The following MAPKAPK2 variants were observed in gnomAD, a reference collection of about 807,000 sequenced individuals.
MAPKAPK2 encodes MAP kinase-activated protein kinase 2.
In MAPKAPK2, 9 loss-of-function variants were observed where a neutral mutation model predicts 48.8. The ratio of observed to expected loss-of-function variants is 0.18; its 90% CI spans 0.11 to 0.32. The LOEUF is 0.32. MAPKAPK2 is among the 10% of genes least tolerant of loss of function. The probability of loss-of-function intolerance (pLI) is 1.00; values close to 1 mark genes in which losing one functional copy is unlikely to be tolerated. For synonymous variants in MAPKAPK2, 202 were observed against 190.6 expected, an observed-to-expected ratio of 1.06 and a Z score of -0.49; for missense variants, 331 against 498.3, an observed-to-expected ratio of 0.66 and a Z score of 3.20.
intron 1 of MAPKAPK2, among the ~76,000 whole-genome samples, chr1:206,717,310 T>C (rs932544205): frequency 2.0e-5 from 3 of 152,238 alleles, no homozygotes; most frequent in Non-Finnish European, 2.9e-5. Context: ...AGCTTAAATA[T>C]AGCAATATTT....
At chr1:206,724,168 T>C (rs1474429797) in intron 1 of MAPKAPK2, among the ~76,000 whole-genome samples, 2 of 152,248 alleles carry the variant, frequency 1.3e-5, no homozygotes, top group Non-Finnish European at 2.9e-5. Context: ...TCACTGCCCA[T>C]GGCCATGCCC....
At chr1:206,722,485 C>T (rs1351727515) in intron 1 of MAPKAPK2, among the ~76,000 whole-genome samples, 1 of 152,192 alleles carries the variant, frequency 6.6e-6, no homozygotes, top group Admixed American at 6.5e-5. Context: ...TTGATTAACA[C>T]ATATTTTGTC....
intron 3 of MAPKAPK2, 113 bp from the exon 4 acceptor site, chr1:206,729,283 G>A (rs146359022): frequency 1.7e-4 from 182 of 1,088,982 alleles, no homozygotes; most frequent in African/African-American, 1.1e-3. Context: ...GTGGGTGGTG[G>A]CTGTGGGGAG....
At chr1:206,724,055 C>T (rs1195666756) in intron 1 of MAPKAPK2, among the ~76,000 whole-genome samples, 2 of 152,264 alleles carry the variant, frequency 1.3e-5, no homozygotes, top group Non-Finnish European at 2.9e-5. Flanking sequence ...TTTCACAATT[C>T]CTCCAGGCAT....
At chr1:206,718,726 C>T (rs537295300) in intron 1 of MAPKAPK2, among the ~76,000 whole-genome samples, 36 of 152,242 alleles carry the variant, frequency 2.4e-4, no homozygotes, top group Non-Finnish European at 5.1e-4. Context: ...TATCTGACCA[C>T]CCTCTTATTG....
At chr1:206,712,964 A>T (rs985967122) in intron 1 of MAPKAPK2, among the ~76,000 whole-genome samples, 1 of 134,280 alleles carries the variant, frequency 7.4e-6, no homozygotes, top group African/African-American at 2.7e-5. Context: ...AGACTCCATC[A>T]CACACACACA....
chr1:206,718,912 G>T (rs1673427603), intron 1 of MAPKAPK2, among the ~76,000 whole-genome samples: 1 of 152,180 alleles, frequency 6.6e-6, no homozygotes, highest in Non-Finnish European at 1.5e-5. Flanking sequence ...CCAACTGAAT[G>T]TGTAAGAGAG....
chr1:206,724,985 T>C (rs926199113), intron 1 of MAPKAPK2, among the ~76,000 whole-genome samples: 5 of 122,400 alleles, frequency 4.1e-5, no homozygotes, highest in African/African-American at 1.3e-4. Flanking sequence ...ATTTTACAGA[T>C]GAGGAAACCC....
chr1:206,731,495 G>A lies in MAPKAPK2; in HGVS notation c.893-145G>A, dbSNP rs1005852684. The A allele has an allele frequency of 7.5e-6, 8 of 1,067,426 alleles. No homozygotes were observed. Among genetic ancestry groups the A allele is most frequent in the South Asian group, 2.8e-5 (2 of 70,340 alleles). The allele number at this position is 1,067,426 out of a possible 1,614,324, so 66.1% of individuals were successfully genotyped here. On this transcript the variant is annotated intron_variant, in intron 7 of 9. Coordinates refer to ENST00000367103, the MANE Select transcript of MAPKAPK2 (RefSeq NM_032960.4). The surrounding 1 kb of genome is among the most constrained non-coding windows in gnomAD (Gnocchi z 5.9). ...GCAGGGCCTCTCAAGTGGTACAGCC[G>A]TAATGGTCCTTGGGGCCAGTTGCTC...
chr1:206,726,482 G>A (rs1553431856), intron 1 of MAPKAPK2, among the ~76,000 whole-genome samples: 1 of 152,240 alleles, frequency 6.6e-6, no homozygotes, highest in African/African-American at 2.4e-5. Context: ...GACCTCCTGG[G>A]AACCTTGCCT....
chr1:206,716,328 T>TTC (rs1673333537), intron 1 of MAPKAPK2, among the ~76,000 whole-genome samples: 1 of 152,216 alleles, frequency 6.6e-6, no homozygotes, highest in Non-Finnish European at 1.5e-5. Context: ...TCTGGGCCAT[T>TTC]TCTCTCACTG....
chr1:206,732,793 A>G lies in MAPKAPK2; in HGVS notation c.*75A>G. ...GAATATATTTTTTAAACGAAGAGAC[A>G]GAACTGTCCACATCTGCCTCCTCTC... On this transcript the variant is annotated 3_prime_UTR_variant, in exon 10 of 10. Coordinates refer to ENST00000367103, the MANE Select transcript of MAPKAPK2 (RefSeq NM_032960.4). This position sits in a 1 kb window ranked among gnomAD's most constrained non-coding sequence, Gnocchi z 4.4. 1.3e-6 allele frequency: 2 copies of G among 1,533,284 alleles called. No homozygotes were observed. The highest frequency in any genetic ancestry group is 1.8e-6 in the Non-Finnish European group (2 of 1,121,910). 95.0% of individuals were successfully genotyped at this position (1,533,284 alleles called of 1,614,324 possible). A position where few individuals can be genotyped will look rare whatever the true frequency, so the allele number is the denominator to read the frequency against.
In MAPKAPK2 at chr1:206,730,011, A is replaced by C; in HGVS notation, c.604A>C (p.Ile202Leu). ...ATACACCTCCAAAAGGCCCAACGCC[A>C]TCCTGAAACTCACTGACTTTGGCTT... ...LLYTSKRPNAILKLTDFGFAK... is the reference protein window; with the variant it reads ...LLYTSKRPNALLKLTDFGFAK... The change falls in exon 5 of 10, where the codon ATC becomes CTC. Residue 202 changes from isoleucine to leucine, a missense_variant. Coordinates refer to ENST00000367103, the MANE Select transcript of MAPKAPK2 (RefSeq NM_032960.4). 6.2e-7 allele frequency: 1 copy of C among 1,614,242 alleles called. No homozygotes were observed. Among genetic ancestry groups the C allele is most frequent in the Non-Finnish European group, 8.5e-7 (1 of 1,180,046 alleles).
intron 5 of MAPKAPK2, 22 bp downstream of exon 5, chr1:206,730,120 G>A: frequency 6.2e-7 from 1 of 1,613,614 alleles, no homozygotes; most frequent in Non-Finnish European, 8.5e-7. Flanking sequence ...GGGGGCCCAG[G>A]GACCTAGGCT....
At chr1:206,711,113 T>C (rs568133708) in intron 1 of MAPKAPK2, among the ~76,000 whole-genome samples, 1 of 152,366 alleles carries the variant, frequency 6.6e-6, no homozygotes, top group African/African-American at 2.4e-5. Flanking sequence ...GCTGCCTGTA[T>C]TTACAAAAAG....
At chr1:206,693,472 A>G (rs1359733369) in intron 1 of MAPKAPK2, among the ~76,000 whole-genome samples, 2 of 152,142 alleles carry the variant, frequency 1.3e-5, no homozygotes, top group Non-Finnish European at 2.9e-5. Flanking sequence ...TGTGTGTATG[A>G]AAGCTCCGTG....
At chr1:206,693,528 G>A (rs1366457211) in intron 1 of MAPKAPK2, among the ~76,000 whole-genome samples, 1 of 152,170 alleles carries the variant, frequency 6.6e-6, no homozygotes, top group Non-Finnish European at 1.5e-5. Flanking sequence ...TAGACAAAAA[G>A]GAGAGTGACC....
rs1176458581 is a variant in MAPKAPK2, at chr1:206,685,515, C to T, written c.279+7C>T. On this transcript the variant is annotated splice_region_variant and intron_variant, in intron 1 of 9. Transcript: ENST00000367103. Reference sequence around the variant, plus strand: ...GGAGAAATTCGCCCTCAAAGTAGGTCTGGGGCCCGGGGAGGGGAGGCGGGG... The same window carrying T: ...GGAGAAATTCGCCCTCAAAGTAGGTTTGGGGCCCGGGGAGGGGAGGCGGGG... The T allele has an allele frequency of 2.0e-6, 3 of 1,506,860 alleles. No individual in the cohort carries two copies. Among genetic ancestry groups the T allele is most frequent in the Non-Finnish European group, 1.8e-6 (2 of 1,121,664 alleles). 93.3% of individuals were successfully genotyped at this position (1,506,860 alleles called of 1,614,324 possible).
At chr1:206,717,803 AT>A (rs1200955752) in intron 1 of MAPKAPK2, among the ~76,000 whole-genome samples, 47 of 151,954 alleles carry the variant, frequency 3.1e-4, no homozygotes, top group African/African-American at 1.0e-3. Context: ...CTTTTACTTA[AT>A]TTTTTTTAAA....
Sources: gnomAD v4.1 joint callset for allele counts (sites outside exome capture counted in the v4.1 genomes callset) on GRCh38, gnomAD v4.1.1 for gene constraint, Gnocchi (gnomAD v3.1) non-coding constraint, MANE v1.5 for transcripts, NCBI Gene and HGNC (gene_info 2026-07-23, HGNC 2026-07-21) for gene names.